Variants in SLCO4A1 observed in about 807,000 individuals in gnomAD.
SLCO4A1 encodes the protein colon organic anion transporter.
In SLCO4A1, 51 loss-of-function variants were observed where a neutral mutation model predicts 64.6. The ratio of observed to expected loss-of-function variants is 0.79; its 90% confidence interval spans 0.63 to 1.00. The LOEUF is 1.00. SLCO4A1 is among the 50% of genes least tolerant of loss of function. The pLI is 0.00. For missense variants in SLCO4A1, 919 were observed against 980.5 expected, an observed-to-expected ratio of 0.94 and a Z score of 0.84; for synonymous variants, 471 against 444.9, an observed-to-expected ratio of 1.06 and a Z score of -0.74.
intron 6 of SLCO4A1, chr20:62,665,493 C>A: frequency 5.9e-6 from 1 of 169,910 alleles, no homozygotes; most frequent in Non-Finnish European, 1.2e-5. Context: ...CCAGGCTGGG[C>A]AGGTCTGCAG....
chr20:62,681,422 C>A (rs1436588174), intron 2 of SLCO4A1, among the ~76,000 whole-genome samples: 1 of 152,028 alleles, frequency 6.6e-6, no homozygotes. Flanking sequence ...GTTTATTAAG[C>A]CTTGTGTACA....
At chr20:62,664,440 G>A (rs193048636) in intron 5 of SLCO4A1, among the ~76,000 whole-genome samples, 3 of 152,320 alleles carry the variant, frequency 2.0e-5, no homozygotes, top group East Asian at 3.9e-4. Flanking sequence ...CCCAGGGCCT[G>A]TCCGGTCCTG....
chr20:62,657,091 G>T lies in SLCO4A1; in HGVS notation c.637G>T (p.Gly213Cys). Residue 213 changes from glycine (G) to cysteine (C), a missense_variant, in exon 2 of 12, where the codon GGC (glycine) becomes TGC (cysteine). Physicochemically the swap from Gly to Cys is radical, Grantham distance 159. Coordinates refer to ENST00000217159, the MANE Select transcript of SLCO4A1 (RefSeq NM_016354.4). ...AGVRTCPANP[G>C]AVCADSTSGL... ...TGTCAGGACGTGCCCTGCCAACCCC[G>T]GCGCGGTGTGTGCGGACAGCACCTC... 1.9e-6 allele frequency: 3 copies of T among 1,600,596 alleles called. No homozygotes were observed. The highest frequency in any genetic ancestry group is 4.5e-5 in the East Asian group (2 of 44,320).
chr20:62,642,929 C>T (rs1980643571), intron 1 of SLCO4A1: 1 of 455,006 alleles, frequency 2.2e-6, no homozygotes, highest in African/African-American at 2.1e-5. Context: ...GCAGGTGGCC[C>T]GGAGCGCGCG....
In SLCO4A1 at chr20:62,661,041, C is replaced by CCCCCCCCCCCCCA; in HGVS notation, c.1010-23_1010-22insCCCCCCCCCCCCA. 7.0e-7 allele frequency: 1 copy of CCCCCCCCCCCCCA among 1,424,144 alleles called. No individual in the cohort carries two copies. Among genetic ancestry groups the CCCCCCCCCCCCCA allele is most frequent in the Non-Finnish European group, 9.9e-7 (1 of 1,010,142 alleles). 88.2% of individuals were successfully genotyped at this position (1,424,144 alleles called of 1,614,324 possible). Reference sequence around the variant, plus strand: ...TCCGGGAGCCCCCAGCCCCCAGCCCCAGCTCACTCTGTGCCCTTCCAGGCT... The same window carrying CCCCCCCCCCCCCA: ...TCCGGGAGCCCCCAGCCCCCAGCCCCCCCCCCCCCCCCAAGCTCACTCTGTGCCCTTCCAGGCT... On this transcript the variant is annotated intron_variant, in intron 4 of 11. Transcript: ENST00000217159. The surrounding 1 kb of genome is among the most constrained non-coding windows in gnomAD (Gnocchi z 5.2).
chr20:62,667,436 G>T, intron 7 of SLCO4A1: 24 of 345,678 alleles, frequency 6.9e-5, no homozygotes, highest in Middle Eastern at 7.8e-4. Context: ...CCTAATGTTT[G>T]TATTTGATCC....
intron 2 of SLCO4A1, among the ~76,000 whole-genome samples, chr20:62,679,519 C>A (rs540316452): frequency 6.6e-6 from 1 of 152,206 alleles, no homozygotes; most frequent in African/African-American, 2.4e-5. Context: ...ATAACCACCA[C>A]GCCCAGCTAA....
intron 11 of SLCO4A1, among the ~76,000 whole-genome samples, chr20:62,669,383 ACCCG>A (rs1986922813): frequency 6.6e-6 from 1 of 152,198 alleles, no homozygotes. Flanking sequence ...TCTTGCACGT[ACCCG>A]GGATGCCCGT....
At chr20:62,671,655 A>T (rs1317084367) in intron 11 of SLCO4A1, 95 bp from the exon 12 acceptor site, 1 of 1,188,802 alleles carries the variant, frequency 8.4e-7, no homozygotes, top group Non-Finnish European at 1.2e-6. Flanking sequence ...AGGGTGCTGC[A>T]GGCTGGGGCA....
At chr20:62,660,210 A>C (rs1448579916) in intron 3 of SLCO4A1, among the ~76,000 whole-genome samples, 1 of 152,172 alleles carries the variant, frequency 6.6e-6, no homozygotes, top group Non-Finnish European at 1.5e-5. Context: ...CTTGGGGGAC[A>C]GCTAAGCCAA....
chr20:62,660,263 G>A (rs1984514245), intron 3 of SLCO4A1, 149 bp from the exon 4 acceptor site: 2 of 843,200 alleles, frequency 2.4e-6, no homozygotes, highest in Admixed American at 5.8e-5. Context: ...CAGGACCTGT[G>A]GCCAGCAGCA....
At chr20:62,667,601 T>G in intron 7 of SLCO4A1, 144 bp from the exon 8 acceptor site, 1 of 923,074 alleles carries the variant, frequency 1.1e-6, no homozygotes, top group Non-Finnish European at 1.6e-6. Context: ...GTGCCCAGCG[T>G]GCTGGGGGCG....
Position 62,656,804 on chromosome 20 carries a change from G to C in SLCO4A1, c.350G>C (p.Gly117Ala). The C allele has an allele frequency of 6.2e-7, 1 of 1,612,910 alleles. No homozygotes were observed. The highest frequency in any genetic ancestry group is 8.5e-7 in the Non-Finnish European group (1 of 1,179,934). Reference protein sequence around the residue: ...FFLCAAAFLQGMTVNGFINTV... With the variant: ...FFLCAAAFLQAMTVNGFINTV... The stretch of plus-strand genomic sequence containing the variant: ...CTGTGTGCGGCCGCATTCCTGCAGG[G>C]GATGACTGTGAATGGCTTCATCAAC... The change falls in exon 2 of 12, where the codon GGG becomes GCG. Residue 117 changes from glycine to alanine, a missense_variant. Transcript: ENST00000217159.
Position 62,661,280 on chromosome 20 carries a change from C to T in SLCO4A1, c.1121+105C>T. ...CTCCGGGATCATGATGGGGACGCAG[C>T]CCCTAACCTCTGTCGTGACCCTGGG... is the stretch of plus-strand genomic sequence containing the variant. On this transcript the variant is annotated intron_variant, in intron 5 of 11. Transcript: ENST00000217159. The surrounding 1 kb of genome is among the most constrained non-coding windows in gnomAD (Gnocchi z 5.2). The T allele has an allele frequency of 3.8e-6, 3 of 782,692 alleles. No homozygotes were observed. The highest frequency in any genetic ancestry group is 6.6e-6 in the Non-Finnish European group (3 of 452,464). The allele number at this position is 782,692 out of a possible 1,614,324, so 48.5% of individuals were successfully genotyped here. A position where few individuals can be genotyped will look rare whatever the true frequency, so the allele number is the denominator to read the frequency against.
Position 62,661,041 on chromosome 20 carries a change from C to CCCCCCCCCCCCCCACA in SLCO4A1, c.1010-23_1010-22insCCCCCCCCCCCCCACA. On this transcript the variant is annotated intron_variant, in intron 4 of 11. Transcript: ENST00000217159. This position sits in a 1 kb window ranked among gnomAD's most constrained non-coding sequence, Gnocchi z 5.2. ...TCCGGGAGCCCCCAGCCCCCAGCCCCAGCTCACTCTGTGCCCTTCCAGGCT... is the reference window on the plus strand; with the variant it reads ...TCCGGGAGCCCCCAGCCCCCAGCCCCCCCCCCCCCCCCCACAAGCTCACTCTGTGCCCTTCCAGGCT... 18 of 1,424,122 alleles carry CCCCCCCCCCCCCCACA rather than the reference C, an allele frequency of 1.3e-5. No individual in the cohort carries two copies. The highest frequency in any genetic ancestry group is 1.6e-5 in the Non-Finnish European group (16 of 1,010,122). 88.2% of individuals were successfully genotyped at this position (1,424,122 alleles called of 1,614,324 possible).
At chr20:62,668,759 A>G (rs1337817238) in intron 10 of SLCO4A1, among the ~76,000 whole-genome samples, 171 bp from the exon 11 acceptor site, 2 of 152,112 alleles carry the variant, frequency 1.3e-5, no homozygotes, top group African/African-American at 2.4e-5. Context: ...CGCAGCCCCA[A>G]TGCCGAATGC....
chr20:62,652,710 C>T (rs116598173), intron 1 of SLCO4A1, among the ~76,000 whole-genome samples: 3 of 152,086 alleles, frequency 2.0e-5, no homozygotes, highest in Non-Finnish European at 4.4e-5. Flanking sequence ...CCTGCCAGCT[C>T]GTGGATAGGT....
intron 1 of SLCO4A1, among the ~76,000 whole-genome samples, chr20:62,648,748 G>C (rs979105492): frequency 6.6e-6 from 1 of 152,168 alleles, no homozygotes; most frequent in Admixed American, 6.5e-5. Flanking sequence ...CCTAAGCCTG[G>C]CTCCCAGGGC....
At chr20:62,659,719 A>G (rs1984414595) in intron 3 of SLCO4A1, among the ~76,000 whole-genome samples, 1 of 152,184 alleles carries the variant, frequency 6.6e-6, no homozygotes, top group African/African-American at 2.4e-5. Flanking sequence ...GCAGCCTTGC[A>G]GGGTGTTGGC....
Sources: allele counts gnomAD v4.1 joint callset (sites outside exome capture counted in the v4.1 genomes callset), GRCh38; gene constraint gnomAD v4.1.1; non-coding constraint Gnocchi (gnomAD v3.1); transcripts MANE v1.5; gene names NCBI Gene and HGNC (gene_info 2026-07-23, HGNC 2026-07-21).